The following MYO3B variants were observed in gnomAD, a reference collection of about 807,000 sequenced individuals.
The protein encoded by MYO3B is myosin IIIB.
MYO3B carries 156 observed loss-of-function variants against 174.6 expected under a neutral mutation model. The ratio of observed to expected loss-of-function variants is 0.89; its 90% confidence interval spans 0.78 to 1.02. MYO3B has a LOEUF of 1.02. MYO3B is among the 50% of genes least tolerant of loss of function. MYO3B has a pLI of 0.00. For missense variants in MYO3B, 1,632 were observed against 1,639.4 expected (o/e 1.00, Z 0.08); for synonymous variants, 563 against 569.1 (o/e 0.99, Z 0.15).
chr2:170,514,484 C>A (rs1223540649), intron 28 of MYO3B, among the ~76,000 whole-genome samples: 1 of 152,190 alleles, frequency 6.6e-6, no homozygotes, highest in African/African-American at 2.4e-5. Flanking sequence ...AACGGAGCAG[C>A]TTCCTGGGAG....
At chr2:170,369,473 A>T in intron 9 of MYO3B, 96 bp downstream of exon 9, 3 of 1,328,940 alleles carry the variant, frequency 2.3e-6, no homozygotes, top group Non-Finnish European at 3.1e-6. Flanking sequence ...GGTAGTTATT[A>T]CATTCCTGCA....
chr2:170,444,159 G>A, intron 23 of MYO3B, 113 bp downstream of exon 23: 1 of 786,618 alleles, frequency 1.3e-6, no homozygotes, highest in Non-Finnish European at 2.0e-6. Context: ...TGCCTGGGCA[G>A]TCTAGTAGAG....
At chr2:170,293,577 C>T (rs574890703) in intron 7 of MYO3B, among the ~76,000 whole-genome samples, 2 of 152,200 alleles carry the variant, frequency 1.3e-5, no homozygotes, top group Admixed American at 1.3e-4. Flanking sequence ...GTCTGGCTTC[C>T]TGCAATTCCC....
chr2:170,543,859 G>T, intron 31 of MYO3B, 33 bp from the exon 32 acceptor site: 2 of 1,568,652 alleles, frequency 1.3e-6, no homozygotes, highest in South Asian at 2.2e-5. Flanking sequence ...CAGAGGATAA[G>T]AATAATATTT....
chr2:170,539,649 C>T (rs1456072975), intron 30 of MYO3B, among the ~76,000 whole-genome samples: 1 of 151,008 alleles, frequency 6.6e-6, no homozygotes, highest in Non-Finnish European at 1.5e-5. Flanking sequence ...GATAGGGTCT[C>T]ACTCCGGCTG....
At chr2:170,441,355 G>T (rs1344472241) in intron 22 of MYO3B, among the ~76,000 whole-genome samples, 1 of 152,056 alleles carries the variant, frequency 6.6e-6, no homozygotes, top group Non-Finnish European at 1.5e-5. Context: ...GTTTTTGATC[G>T]TGTGGAAAAA....
chr2:170,191,038 A>G (rs574834818), intron 1 of MYO3B, among the ~76,000 whole-genome samples: 2 of 151,940 alleles, frequency 1.3e-5, no homozygotes, highest in African/African-American at 4.8e-5. Flanking sequence ...TCAGGGCCCA[A>G]GTGCTCTTAT....
At chr2:170,387,870 G>C (rs1380202192) in intron 14 of MYO3B, among the ~76,000 whole-genome samples, 1 of 152,050 alleles carries the variant, frequency 6.6e-6, no homozygotes, top group Non-Finnish European at 1.5e-5. Context: ...TCATGGGTTT[G>C]TTGTGAGGAT....
intron 29 of MYO3B, among the ~76,000 whole-genome samples, 168 bp from the exon 30 acceptor site, chr2:170,519,270 T>C (rs1018827395): frequency 6.6e-6 from 1 of 152,026 alleles, no homozygotes; most frequent in African/African-American, 2.4e-5. Context: ...AGACCTGGAA[T>C]CGAGAACAGC....
intron 32 of MYO3B, chr2:170,601,891 AT>A: frequency 1.2e-6 from 1 of 849,000 alleles, no homozygotes; most frequent in Non-Finnish European, 1.9e-6. Flanking sequence ...CTCTCCTTTG[AT>A]TTTTGGGCAA....
chr2:170,280,885 A>G (rs1353045297), intron 7 of MYO3B, among the ~76,000 whole-genome samples: 2 of 152,076 alleles, frequency 1.3e-5, no homozygotes, highest in African/African-American at 2.4e-5. Context: ...GTAGCCCTGT[A>G]GTATAGTTTA....
intron 12 of MYO3B, among the ~76,000 whole-genome samples, chr2:170,384,320 A>G (rs1200824420): frequency 6.6e-6 from 1 of 152,202 alleles, no homozygotes; most frequent in African/African-American, 2.4e-5. Flanking sequence ...CTTAAACTCA[A>G]TACTAAACAC....
intron 10 of MYO3B, chr2:170,382,776 G>T: frequency 4.5e-6 from 1 of 220,184 alleles, no homozygotes; most frequent in Admixed American, 6.4e-5. Flanking sequence ...ATTTTGACTG[G>T]TTGAGATGAG....
chr2:170,395,430 A>G (rs150869120), intron 16 of MYO3B, among the ~76,000 whole-genome samples: 1,694 of 152,320 alleles, frequency 0.011, 23 homozygotes, highest in African/African-American at 0.036. Context: ...GACGTACACT[A>G]TAGATCCCTG....
intron 6 of MYO3B, among the ~76,000 whole-genome samples, chr2:170,234,554 C>A (rs2093050649): frequency 6.6e-6 from 1 of 152,222 alleles, no homozygotes. Flanking sequence ...CAGACCATAG[C>A]AGTTATCTTA....
At chr2:170,385,792 A>T (rs1356998939) in intron 12 of MYO3B, 1 of 159,668 alleles carries the variant, frequency 6.3e-6, no homozygotes, top group Admixed American at 6.3e-5. Flanking sequence ...TATAGTCCCT[A>T]GGAAAGCAAT....
intron 30 of MYO3B, among the ~76,000 whole-genome samples, chr2:170,533,594 T>C (rs767788527): frequency 1.3e-5 from 2 of 152,176 alleles, no homozygotes; most frequent in African/African-American, 2.4e-5. Context: ...CACAAGTTAC[T>C]TTAAGACTCC....
At chr2:170,571,347 T>C (rs1692424065) in intron 32 of MYO3B, among the ~76,000 whole-genome samples, 1 of 152,162 alleles carries the variant, frequency 6.6e-6, no homozygotes, top group Non-Finnish European at 1.5e-5. Flanking sequence ...CAGGGAAGGC[T>C]TCCAGGAGAA....
chr2:170,466,377 TG>T, intron 24 of MYO3B, 128 bp from the exon 25 acceptor site: 1 of 788,750 alleles, frequency 1.3e-6, no homozygotes, highest in South Asian at 1.7e-5. Context: ...CTCCTATTGC[TG>T]ATTTCATGTT....
Sources: allele counts gnomAD v4.1 joint callset (sites outside exome capture counted in the v4.1 genomes callset), GRCh38; gene constraint gnomAD v4.1.1; transcripts MANE v1.5; gene names NCBI Gene and HGNC (gene_info 2026-07-23, HGNC 2026-07-21).